The following ARID5B variants were observed in gnomAD, a reference collection of about 807,000 sequenced individuals.
ARID5B encodes the protein AT-rich interactive domain-containing protein 5B.
A neutral mutation model predicts 97.2 loss-of-function variants in ARID5B; 13 were observed. The ratio of observed to expected loss-of-function variants is 0.13; its 90% CI spans 0.09 to 0.21. The LOEUF is 0.21. Ranked by LOEUF, ARID5B falls within the 10% of genes least tolerant of loss-of-function variation. ARID5B has a pLI of 1.00. For synonymous variants in ARID5B, 556 were observed against 570.3 expected (o/e 0.97, Z 0.36); for missense variants, 1,210 against 1,465.3 (o/e 0.83, Z 2.84).
At chr10:61,992,283 G>A (rs553321287) in intron 3 of ARID5B, among the ~76,000 whole-genome samples, 11 of 152,262 alleles carry the variant, frequency 7.2e-5, no homozygotes, top group East Asian at 1.9e-4. Context: ...AGTGGCTCCC[G>A]GTCGTGGCTT....
intron 4 of ARID5B, among the ~76,000 whole-genome samples, chr10:62,026,937 C>A (rs1279412930): frequency 2.6e-5 from 4 of 152,178 alleles, no homozygotes; most frequent in Non-Finnish European, 5.9e-5. Context: ...CAACTTCAGC[C>A]TGCAGAAGGA....
chr10:62,076,287 C>T (rs1229101188), intron 8 of ARID5B, among the ~76,000 whole-genome samples: 1 of 152,176 alleles, frequency 6.6e-6, no homozygotes, highest in Non-Finnish European at 1.5e-5. Context: ...CGCCTATAAT[C>T]CCAGCACTTT....
Position 62,015,681 on chromosome 10 carries a change from T to C in ARID5B, c.733+15360T>C, listed in dbSNP as rs538452414. ...CTCTGTCACCCAGGCTGGAGTGCAGTGGCGCGATCTTGGCTCACTGCAACC... is the reference window on the plus strand; with the variant it reads ...CTCTGTCACCCAGGCTGGAGTGCAGCGGCGCGATCTTGGCTCACTGCAACC... On this transcript the variant is annotated intron_variant, in intron 4 of 9. Coordinates refer to ENST00000279873, the MANE Select transcript of ARID5B (RefSeq NM_032199.3). Among the ~76,000 whole-genome samples, 58 of 152,286 alleles carry C rather than the reference T, an allele frequency of 3.8e-4. No homozygotes were observed. The South Asian group carries it at 0.01, about 27-fold the overall frequency.
chr10:61,903,796 G>C (rs982623146), intron 2 of ARID5B, among the ~76,000 whole-genome samples: 8 of 151,804 alleles, frequency 5.3e-5, no homozygotes, highest in Admixed American at 2.6e-4. Context: ...TTACTCGTCA[G>C]TGGTCTATGC....
chr10:62,005,153 A>G lies in ARID5B; in HGVS notation c.733+4832A>G, dbSNP rs187628972. 3.9e-5 allele frequency among the ~76,000 whole-genome samples: 6 copies of G among 152,334 alleles called. No individual in the cohort carries two copies. The East Asian group carries it at 1.2e-3, about 29-fold the overall frequency. Reference sequence around the variant, plus strand: ...CAGGGAGAAGGGGTTGGCTATGTCAATATGAAAATACACATTCTGCTGGGG... The same window carrying G: ...CAGGGAGAAGGGGTTGGCTATGTCAGTATGAAAATACACATTCTGCTGGGG... On this transcript the variant is annotated intron_variant, in intron 4 of 9. Coordinates refer to ENST00000279873, the MANE Select transcript of ARID5B (RefSeq NM_032199.3).
At chr10:61,972,136 A>G (rs1294922402) in intron 3 of ARID5B, among the ~76,000 whole-genome samples, 1 of 151,340 alleles carries the variant, frequency 6.6e-6, no homozygotes, top group African/African-American at 2.4e-5. Context: ...ACTAGTGTTG[A>G]TATTTGCCTG....
At chr10:62,012,006 A>G (rs115592398) in intron 4 of ARID5B, among the ~76,000 whole-genome samples, 2,021 of 130,254 alleles carry the variant, frequency 0.016, 42 homozygotes, top group African/African-American at 0.06. Flanking sequence ...AAGGAGGGGA[A>G]AAAAAAAAGT....
intron 2 of ARID5B, among the ~76,000 whole-genome samples, chr10:61,915,455 T>G (rs975769402): frequency 6.6e-6 from 1 of 152,182 alleles, no homozygotes; most frequent in African/African-American, 2.4e-5. Flanking sequence ...AGTTGAGGTC[T>G]AAAGGGATCT....
At chr10:62,075,213 G>A (rs1840112161) in intron 8 of ARID5B, among the ~76,000 whole-genome samples, 1 of 152,218 alleles carries the variant, frequency 6.6e-6, no homozygotes, top group Non-Finnish European at 1.5e-5. Flanking sequence ...CACTGTTGCT[G>A]TAGGTAGATG....
chr10:62,023,009 A>G (rs78565397), intron 4 of ARID5B, among the ~76,000 whole-genome samples: 6,978 of 152,274 alleles, frequency 0.046, 191 homozygotes, highest in Middle Eastern at 0.078. Flanking sequence ...TCAAAGAAAC[A>G]TATCTCTGTG....
At chr10:61,950,504 C>A (rs1288885753) in intron 3 of ARID5B, among the ~76,000 whole-genome samples, 1 of 151,988 alleles carries the variant, frequency 6.6e-6, no homozygotes, top group Non-Finnish European at 1.5e-5. Context: ...CCTGTCTCTG[C>A]AAAAAAATTT....
chr10:61,920,097 G>A (rs1843985941), intron 2 of ARID5B, among the ~76,000 whole-genome samples: 2 of 152,066 alleles, frequency 1.3e-5, no homozygotes, highest in South Asian at 4.1e-4. Context: ...TCAGAATATT[G>A]AGATATCTCA....
At position 62,000,661 on chromosome 10, in the gene ARID5B, GTCACTCTCTTT is replaced by G. The variant is rs1268163841; in HGVS notation, c.733+344_733+354del. On this transcript the variant is annotated intron_variant, in intron 4 of 9. Coordinates refer to ENST00000279873, the MANE Select transcript of ARID5B (RefSeq NM_032199.3). The surrounding 1 kb of genome is among the most constrained non-coding windows in gnomAD (Gnocchi z 4.4). ...ATTCAAATGCTTTTTTATTTAACTA[GTCACTCTCTTT>G]TCATTGTTATAAGGTATTGTAAAAA... Among the ~76,000 whole-genome samples the G allele has an allele frequency of 6.6e-6, 1 of 152,036 alleles. No individual in the cohort carries two copies. The highest frequency in any genetic ancestry group is 1.5e-5 in the Non-Finnish European group (1 of 68,002).
intron 7 of ARID5B, among the ~76,000 whole-genome samples, chr10:62,062,260 C>T (rs1053839607): frequency 6.6e-6 from 1 of 152,118 alleles, no homozygotes; most frequent in Non-Finnish European, 1.5e-5. Context: ...ATATCAGAAA[C>T]GAGTGTAGAC....
At chr10:61,927,545 G>T (rs1383615968) in intron 2 of ARID5B, among the ~76,000 whole-genome samples, 4 of 152,170 alleles carry the variant, frequency 2.6e-5, no homozygotes, top group Admixed American at 2.0e-4. Flanking sequence ...GGCTCTTTGG[G>T]AAGTACAAGA....
intron 2 of ARID5B, among the ~76,000 whole-genome samples, chr10:61,909,970 G>T (rs2132757036): frequency 6.6e-6 from 1 of 152,260 alleles, no homozygotes; most frequent in African/African-American, 2.4e-5. Flanking sequence ...AGGGCTTTGG[G>T]GTGGCAACCT....
At chr10:61,972,225 C>CT (rs71022106) in intron 3 of ARID5B, among the ~76,000 whole-genome samples, 46,845 of 112,698 alleles carry the variant, frequency 0.42, 10,278 homozygotes, top group Non-Finnish European at 0.49. Flanking sequence ...TTATATCATG[C>CT]TTTTTTTTTT....
chr10:62,077,209 C>A (rs1462146505), intron 8 of ARID5B, among the ~76,000 whole-genome samples: 1 of 152,098 alleles, frequency 6.6e-6, no homozygotes, highest in African/African-American at 2.4e-5. Flanking sequence ...ACACAAGAGC[C>A]GCATAGTCTG....
At chr10:61,993,784 GCT>G (rs1838960538) in intron 3 of ARID5B, among the ~76,000 whole-genome samples, 1 of 152,200 alleles carries the variant, frequency 6.6e-6, no homozygotes, top group East Asian at 1.9e-4. Context: ...TAAAGTTGAT[GCT>G]TTGCCGTTGG....
Sources: allele counts gnomAD v4.1 joint callset (sites outside exome capture counted in the v4.1 genomes callset), GRCh38; gene constraint gnomAD v4.1.1; non-coding constraint Gnocchi (gnomAD v3.1); transcripts MANE v1.5; gene names NCBI Gene and HGNC (gene_info 2026-07-23, HGNC 2026-07-21).